The following SYCP2 variants were observed in gnomAD, a reference collection of about 807,000 sequenced individuals.
The protein encoded by SYCP2 is synaptonemal complex protein 2, also known as synaptonemal complex lateral element protein.
A neutral mutation model predicts 211.3 loss-of-function variants in SYCP2; 55 were observed. That is an observed-to-expected ratio of 0.26 (90% CI 0.21 to 0.33). The LOEUF is 0.33. Among genes scored for constraint, SYCP2 ranks in the 10% least tolerant of loss-of-function variants. SYCP2 has a pLI of 1.00. For missense variants in SYCP2, 1,731 were observed against 1,752.0 expected, an observed-to-expected ratio of 0.99 and a Z score of 0.21; for synonymous variants, 570 against 555.2, an observed-to-expected ratio of 1.03 and a Z score of -0.37.
chr20:59,909,984 A>G (rs902158894), intron 14 of SYCP2, among the ~76,000 whole-genome samples: 1 of 152,218 alleles, frequency 6.6e-6, no homozygotes, highest in Non-Finnish European at 1.5e-5. Flanking sequence ...TCTATGCAGA[A>G]GAACTAAGAA....
At chr20:59,928,394 TA>T (rs1242914424) in intron 2 of SYCP2, among the ~76,000 whole-genome samples, 2 of 152,170 alleles carry the variant, frequency 1.3e-5, no homozygotes, top group African/African-American at 4.8e-5. Flanking sequence ...AATGCTTCAC[TA>T]AAATAAACAT....
intron 22 of SYCP2, among the ~76,000 whole-genome samples, 158 bp downstream of exon 22, chr20:59,892,984 A>G (rs1746712793): frequency 6.6e-6 from 1 of 151,930 alleles, no homozygotes; most frequent in South Asian, 2.1e-4. Context: ...ACATGGGGAA[A>G]AAACCATATA....
At position 59,925,811 on chromosome 20, in the gene SYCP2, T is replaced by C. The variant is rs1000375156; in HGVS notation, c.-46-3352A>G. ...AAATGCATGTAGGTACTATAATTTA[T>C]TATCAATCTGTTAGATTTCTTTTTT... On this transcript the variant is annotated intron_variant, in intron 2 of 44. Transcript: ENST00000357552. Among the ~76,000 whole-genome samples, 4 of 152,204 alleles carry C rather than the reference T, an allele frequency of 2.6e-5. No individual in the cohort carries two copies. In the South Asian group the frequency reaches 8.3e-4, roughly 31 times the overall value.
chr20:59,870,301 T>C (rs2059425627), intron 35 of SYCP2, among the ~76,000 whole-genome samples: 1 of 151,764 alleles, frequency 6.6e-6, no homozygotes. Flanking sequence ...TAACAGTTTA[T>C]ATGGCTGTCT....
rs771385785 is a variant in SYCP2 at position 59,866,570 on chromosome 20, C to T, written c.4145G>A (p.Ser1382Asn). ...TTTCCAAGACTGCGTAGTAAAATAA[C>T]TCAACATTTTATGTCGGATCTGAAA... The part of the protein sequence containing the change: ...RRNNIRHKML[S>N]YFTTQSWKTA... The change falls in exon 40 of 45, where the codon AGT becomes AAT. Residue 1382 changes from serine to asparagine, a missense_variant. Ser to Asn is a conservative substitution (Grantham distance 46). Around this residue, in one of 3 missense-constraint regions of SYCP2, gnomAD observed 1,387 missense variants for 1,351.3 expected, o/e 1.03. Transcript: ENST00000357552. 6.3e-7 allele frequency: 1 copy of T among 1,598,356 alleles called. No individual in the cohort carries two copies. The highest frequency in any genetic ancestry group is 8.5e-7 in the Non-Finnish European group (1 of 1,174,410).
chr20:59,870,540 G>A (rs2059432213), intron 35 of SYCP2, among the ~76,000 whole-genome samples: 1 of 151,594 alleles, frequency 6.6e-6, no homozygotes, highest in Non-Finnish European at 1.5e-5. Flanking sequence ...ACCCAACTTT[G>A]CAGGAAATAA....
chr20:59,887,151 C>G (rs1048767174), intron 24 of SYCP2, among the ~76,000 whole-genome samples: 1 of 151,994 alleles, frequency 6.6e-6, no homozygotes, highest in South Asian at 2.1e-4. Flanking sequence ...TCCCTCCCCC[C>G]TTCCCCTACC....
chr20:59,894,301 G>A (rs1277898737), intron 20 of SYCP2, among the ~76,000 whole-genome samples: 1 of 151,922 alleles, frequency 6.6e-6, no homozygotes, highest in African/African-American at 2.4e-5. Flanking sequence ...TGACAGAGGG[G>A]TTCTCCTGAC....
intron 7 of SYCP2, among the ~76,000 whole-genome samples, chr20:59,917,699 A>G (rs2060469105): frequency 6.6e-6 from 1 of 152,248 alleles, no homozygotes; most frequent in Non-Finnish European, 1.5e-5. Context: ...ATAATTCACC[A>G]GCCTCATTGA....
intron 20 of SYCP2, among the ~76,000 whole-genome samples, chr20:59,894,832 T>C (rs1448876678): frequency 1.3e-5 from 2 of 152,072 alleles, no homozygotes; most frequent in African/African-American, 4.8e-5. Context: ...TATTCTCTCT[T>C]ATCCATTCCT....
chr20:59,905,452 A>G (rs1179963307), intron 15 of SYCP2, among the ~76,000 whole-genome samples: 2 of 152,186 alleles, frequency 1.3e-5, no homozygotes. Flanking sequence ...CTACTGATAC[A>G]TGCAACATGC....
Position 59,921,205 on chromosome 20 carries a change from G to A in SYCP2, c.168+105C>T. The A allele has an allele frequency of 8.0e-6, 7 of 871,052 alleles. No homozygotes were observed. The South Asian group carries it at 9.8e-5, about 12-fold the overall frequency. The allele number at this position is 871,052 out of a possible 1,614,324, so 54.0% of individuals were successfully genotyped here. ...AGCATTTATTTATATAATTATGACT[G>A]AGCTTGCCCAAGCCTATTCATTTTT... On this transcript the variant is annotated intron_variant, in intron 4 of 44. Coordinates refer to ENST00000357552, the MANE Select transcript of SYCP2 (RefSeq NM_014258.4).
At chr20:59,910,171 T>C (rs1445797775) in intron 14 of SYCP2, among the ~76,000 whole-genome samples, 4 of 152,030 alleles carry the variant, frequency 2.6e-5, no homozygotes, top group African/African-American at 9.7e-5. Flanking sequence ...CTGTGGAGAA[T>C]GGCTTTTATG....
intron 14 of SYCP2, among the ~76,000 whole-genome samples, chr20:59,909,287 G>A (rs1240763847): frequency 6.6e-6 from 1 of 152,052 alleles, no homozygotes; most frequent in Non-Finnish European, 1.5e-5. Context: ...CTTCCATCCA[G>A]CTACCCAAAT....
intron 26 of SYCP2, 28 bp from the exon 27 acceptor site, chr20:59,882,193 T>TA: frequency 6.6e-7 from 1 of 1,524,900 alleles, no homozygotes; most frequent in East Asian, 2.3e-5. Context: ...AAAAAATCAT[T>TA]AAATGGCTAA....
Position 59,882,096 on chromosome 20 carries a change from C to T in SYCP2, c.2599G>A (p.Val867Met). 6.2e-7 allele frequency: 1 copy of T among 1,612,444 alleles called. No individual in the cohort carries two copies. The highest frequency in any genetic ancestry group is 8.5e-7 in the Non-Finnish European group (1 of 1,179,050). The change falls in exon 27 of 45, where the codon GTG (valine) becomes ATG (methionine). Residue 867 changes from valine to methionine, a missense_variant and splice_region_variant. Val to Met is a conservative substitution (Grantham distance 21, BLOSUM62 1). Coordinates refer to ENST00000357552, the MANE Select transcript of SYCP2 (RefSeq NM_014258.4). Reference protein sequence around the residue: ...TFVNVTSECPVNDVYNFNLNG... With the variant: ...TFVNVTSECPMNDVYNFNLNG... ...AAAAATATTACAAAAAATACTTACA[C>T]TGGGCATTCAGAAGTAACATTAACA...
intron 7 of SYCP2, among the ~76,000 whole-genome samples, chr20:59,918,374 G>A (rs1187283788): frequency 6.6e-6 from 1 of 152,166 alleles, no homozygotes; most frequent in African/African-American, 2.4e-5. Flanking sequence ...TTCACAGACT[G>A]TCAAAACAGG....
intron 2 of SYCP2, among the ~76,000 whole-genome samples, chr20:59,926,139 A>G (rs6064862): frequency 0.02 from 3,032 of 152,192 alleles, 41 homozygotes; most frequent in Middle Eastern, 0.041. Flanking sequence ...TCATAAATCC[A>G]ATAAATTCCA....
In SYCP2 at chr20:59,868,853, C is replaced by T. The variant is rs770444107; in HGVS notation, c.3814G>A (p.Asp1272Asn). The T allele has an allele frequency of 6.2e-7, 1 of 1,609,604 alleles. No individual in the cohort carries two copies. The highest frequency in any genetic ancestry group is 1.1e-5 in the South Asian group (1 of 90,672). The change falls in exon 37 of 45, where the codon GAT becomes AAT. Residue 1272 changes from aspartate to asparagine, a missense_variant. Asp to Asn is a conservative substitution (Grantham distance 23). Around this residue, in one of 3 missense-constraint regions of SYCP2, gnomAD observed 1,387 missense variants for 1,351.3 expected, o/e 1.03. Transcript: ENST00000357552. Reference sequence around the variant, plus strand: ...TACAAACCTGATACATGAGTAGCATCACAGGGCATGTCAAACCACGTTTTC... The same window carrying T: ...TACAAACCTGATACATGAGTAGCATTACAGGGCATGTCAAACCACGTTTTC... ...REKTWFDMPCDATHVSGPTQH... is the reference protein window; with the variant it reads ...REKTWFDMPCNATHVSGPTQH...
Sources: gnomAD v4.1 joint callset for allele counts (sites outside exome capture counted in the v4.1 genomes callset) on GRCh38, gnomAD v4.1.1 for gene constraint, gnomAD v4.1.1 regional missense constraint, MANE v1.5 for transcripts, NCBI Gene and HGNC (gene_info 2026-07-23, HGNC 2026-07-21) for gene names.